The following BZW1 variants were observed in gnomAD, a reference collection of about 807,000 sequenced individuals.
The protein encoded by BZW1 is basic leucine zipper and W2 domains 1, also known as eIF5-mimic protein 2.
A neutral mutation model predicts 54.1 loss-of-function variants in BZW1; 3 were observed. That is an observed-to-expected ratio of 0.06 (90% CI 0.03 to 0.14). The LOEUF (loss-of-function observed/expected upper bound fraction) is 0.14, where lower values mean the gene tolerates loss of function less well. Ranked by LOEUF, BZW1 falls within the 10% of genes least tolerant of loss-of-function variation. BZW1 has a pLI of 1.00. For synonymous variants in BZW1, 152 were observed against 162.7 expected (o/e 0.93, Z 0.50); for missense variants, 206 against 491.7 (o/e 0.42, Z 5.50).
chr2:200,813,324 C>G, intron 2 of BZW1, 43 bp downstream of exon 2: 1 of 1,532,524 alleles, frequency 6.5e-7, no homozygotes, highest in South Asian at 1.1e-5. Flanking sequence ...ACCTCCAGAA[C>G]ATCTTGTGTA....
intron 1 of BZW1, chr2:200,812,253 C>G (rs2038094477): frequency 8.1e-7 from 1 of 1,229,986 alleles, no homozygotes; most frequent in Non-Finnish European, 1.0e-6. Flanking sequence ...GAGGCGGGCT[C>G]CCTCTGGGCC....
rs1354625056 is a variant in BZW1 at position 200,824,152 on chromosome 2, T to C, written c.*1974T>C. ...TTCTTCATAATGACACTGTAGTGTT[T>C]ACTTAGTAGAACATTATAGTAAGTG... On this transcript the variant is annotated 3_prime_UTR_variant, in exon 12 of 12. Coordinates refer to ENST00000409600, the MANE Select transcript of BZW1 (RefSeq NM_001207067.2). 1 of 152,216 alleles carries C rather than the reference T, an allele frequency of 6.6e-6. No individual in the cohort carries two copies. The highest frequency in any genetic ancestry group is 2.4e-5 in the African/African-American group (1 of 41,462). The allele number at this position is 152,216 out of a possible 1,614,324, so 9.4% of individuals were successfully genotyped here.
intron 9 of BZW1, 117 bp from the exon 10 acceptor site, chr2:200,819,864 AT>A (rs1415627988): frequency 1.1e-6 from 1 of 949,022 alleles, no homozygotes; most frequent in Non-Finnish European, 1.4e-6. Flanking sequence ...TAAATAAGTT[AT>A]AGTTTGCAGT....
intron 6 of BZW1, 134 bp downstream of exon 6, chr2:200,817,375 A>C: frequency 2.6e-6 from 3 of 1,156,060 alleles, no homozygotes; most frequent in Non-Finnish European, 3.6e-6. Flanking sequence ...AGTTCAGTCT[A>C]ATTCACTAGA....
chr2:200,821,135 G>A (rs371036571), intron 10 of BZW1, 48 bp from the exon 11 acceptor site: 67 of 1,601,122 alleles, frequency 4.2e-5, no homozygotes, highest in Non-Finnish European at 5.0e-5. Flanking sequence ...TTCTAACGCT[G>A]AGTAGAGTAT....
chr2:200,826,421 T>TGATAGATAGATAGATAGATGATAGA lies in BZW1; in HGVS notation c.*4243_*4244insGATAGATAGATAGATAGATGATAGA, dbSNP rs1348589884. The TGATAGATAGATAGATAGATGATAGA allele has an allele frequency of 2.3e-5, 2 of 87,764 alleles. No individual in the cohort carries two copies. Among genetic ancestry groups the TGATAGATAGATAGATAGATGATAGA allele is most frequent in the Non-Finnish European group, 4.5e-5 (2 of 44,856 alleles). 5.4% of individuals were successfully genotyped at this position (87,764 alleles called of 1,614,324 possible). On this transcript the variant is annotated 3_prime_UTR_variant, in exon 12 of 12. Coordinates refer to ENST00000409600, the MANE Select transcript of BZW1 (RefSeq NM_001207067.2). Reference sequence around the variant, plus strand: ...GATAGATAGATATTTTTTTTTTTTTTTTTTTTTTTTTTTTTTTTTTTGAGA... The same window carrying TGATAGATAGATAGATAGATGATAGA: ...GATAGATAGATATTTTTTTTTTTTTTGATAGATAGATAGATAGATGATAGATTTTTTTTTTTTTTTTTTTTTGAGA...
rs773542536 is a variant in BZW1 at position 200,821,274 on chromosome 2, G to C, written c.1197G>C (p.Lys399Asn). The C allele has an allele frequency of 1.5e-5, 25 of 1,613,482 alleles. No individual in the cohort carries two copies. In the South Asian group the frequency reaches 1.8e-4, roughly 11 times the overall value. ...GTGTTTTCCTTGAGCAAATGAAAAA[G>C]TTTGTAGAATGGCTCAAAAATGCTG... Reference protein sequence around the residue: ...GKSVFLEQMKKFVEWLKNAEE... With the variant: ...GKSVFLEQMKNFVEWLKNAEE... Residue 399 changes from lysine to asparagine, a missense_variant, in exon 11 of 12, where the codon AAG (lysine) becomes AAC (asparagine). Coordinates refer to ENST00000409600, the MANE Select transcript of BZW1 (RefSeq NM_001207067.2).
Position 200,825,773 on chromosome 2 carries a change from C to T in BZW1, c.*3595C>T, listed in dbSNP as rs1351358985. The T allele has an allele frequency of 6.6e-6, 1 of 152,204 alleles. No homozygotes were observed. The highest frequency in any genetic ancestry group is 6.5e-5 in the Admixed American group (1 of 15,282). The allele number at this position is 152,204 out of a possible 1,614,324, so 9.4% of individuals were successfully genotyped here. On this transcript the variant is annotated 3_prime_UTR_variant, in exon 12 of 12. Coordinates refer to ENST00000409600, the MANE Select transcript of BZW1 (RefSeq NM_001207067.2). ...TCTGCTCTCATACTGAAGTAGGCTG[C>T]TTGCAGGAACTGACAACTATTGGTT...
At chr2:200,813,363 A>G (rs1418902028) in intron 2 of BZW1, 82 bp downstream of exon 2, 4 of 1,241,484 alleles carry the variant, frequency 3.2e-6, no homozygotes, top group African/African-American at 3.0e-5. Flanking sequence ...GTACTTGCAT[A>G]TTACTAAAGC....
At chr2:200,819,952 G>A (rs774228486) in intron 9 of BZW1, 30 bp from the exon 10 acceptor site, 25 of 1,467,948 alleles carry the variant, frequency 1.7e-5, no homozygotes, top group Non-Finnish European at 2.1e-5. Flanking sequence ...TGTAATGAAT[G>A]ACTAAATCTT....
At chr2:200,819,932 G>T in intron 9 of BZW1, 50 bp from the exon 10 acceptor site, 1 of 1,432,238 alleles carries the variant, frequency 7.0e-7, no homozygotes, top group East Asian at 2.6e-5. Flanking sequence ...TTTTGTAATG[G>T]ATGGTTATTT....
rs569745449 is a variant in BZW1, at chr2:200,815,426, A to G, written c.150A>G (p.Val50=). The G allele has an allele frequency of 1.2e-6, 2 of 1,614,044 alleles. No individual in the cohort carries two copies. The highest frequency in any genetic ancestry group is 2.2e-5 in the South Asian group (2 of 91,086). ...AAACCGGTACTGATTTGGAAGCAGT[A>G]GCTAAGTTTCTTGATGCTTCTGGAG... is the stretch of plus-strand genomic sequence containing the variant. ...LTETGTDLEA[V]AKFLDASGAK... is the part of the protein sequence containing the mutation. Residue 50 remains valine, a synonymous_variant, in exon 3 of 12, where the codon GTA becomes GTG. Transcript: ENST00000409600.
In BZW1 at chr2:200,821,273, A is replaced by T. The variant is rs772621536; in HGVS notation, c.1196A>T (p.Lys399Met). The change falls in exon 11 of 12, where the codon AAG (lysine) becomes ATG (methionine). Residue 399 changes from lysine (K) to methionine (M), a missense_variant. Around this residue, in one of 5 missense-constraint regions of BZW1, gnomAD observed 60 missense variants for 151.8 expected, o/e 0.40. Transcript: ENST00000409600. ...AGTGTTTTCCTTGAGCAAATGAAAA[A>T]GTTTGTAGAATGGCTCAAAAATGCT... ...GKSVFLEQMK[K>M]FVEWLKNAEE... 2.6e-5 allele frequency: 42 copies of T among 1,613,380 alleles called. No individual in the cohort carries two copies. The highest frequency in any genetic ancestry group is 5.1e-6 in the Non-Finnish European group (6 of 1,179,730).
At position 200,817,315 on chromosome 2, in the gene BZW1, A is replaced by G. The variant is rs112992571; in HGVS notation, c.538+74A>G. 22 of 1,518,598 alleles carry G rather than the reference A, an allele frequency of 1.4e-5. No homozygotes were observed. Among genetic ancestry groups the G allele is most frequent in the Middle Eastern group, 1.8e-4 (1 of 5,504 alleles). 94.1% of individuals were successfully genotyped at this position (1,518,598 alleles called of 1,614,324 possible). ...TAAGAGCATGGTTTACTGTTCATAG[A>G]TGTGACTTCTGTGAAAGTCTTCGTT... On this transcript the variant is annotated intron_variant, in intron 6 of 11. Transcript: ENST00000409600.
intron 10 of BZW1, 144 bp from the exon 11 acceptor site, chr2:200,821,039 T>G: frequency 4.2e-6 from 4 of 953,652 alleles, no homozygotes; most frequent in Non-Finnish European, 6.2e-6. Context: ...TATGCGCACA[T>G]GTATTATTAT....
intron 11 of BZW1, among the ~76,000 whole-genome samples, 171 bp from the exon 12 acceptor site, chr2:200,821,976 G>GGA (rs1453687267): frequency 6.6e-6 from 1 of 152,130 alleles, no homozygotes; most frequent in African/African-American, 2.4e-5. Flanking sequence ...AACTGAAGTG[G>GGA]GAGGATCACT....
rs2038723819 is a variant in BZW1 at position 200,827,182 on chromosome 2, T to C, written c.*5004T>C. 6.6e-6 allele frequency: 1 copy of C among 152,204 alleles called. No individual in the cohort carries two copies. Among genetic ancestry groups the C allele is most frequent in the Admixed American group, 6.5e-5 (1 of 15,278 alleles). The allele number at this position is 152,204 out of a possible 1,614,324, so 9.4% of individuals were successfully genotyped here. On this transcript the variant is annotated 3_prime_UTR_variant, in exon 12 of 12. Coordinates refer to ENST00000409600, the MANE Select transcript of BZW1 (RefSeq NM_001207067.2). ...AGAAAACTGGATAGCTGGTAACTCA[T>C]TTAGCTCTTGGCACTCTAAAAAACC...
At chr2:200,812,543 T>G in intron 1 of BZW1, 1 of 1,396,330 alleles carries the variant, frequency 7.2e-7, no homozygotes, top group Non-Finnish European at 9.3e-7. Context: ...CTGTGGCCGA[T>G]GGGGTCCTGG....
rs2038288026 is a variant in BZW1, at chr2:200,816,336, G to T, written c.348G>T (p.Lys116Asn). ...AATGTTCTTCATAGGTTTTTAACAA[G>T]TTAATCAGGCGCTACAAATACCTGG... ...TMQAFAQVFN[K>N]LIRRYKYLEK... The change falls in exon 5 of 12, where the codon AAG becomes AAT. Residue 116 changes from lysine to asparagine, a missense_variant. By Grantham distance (94) the Lys-to-Asn change is moderately conservative (BLOSUM62 0). Around this residue, in one of 5 missense-constraint regions of BZW1, gnomAD observed 81 missense variants for 257.1 expected, o/e 0.32. Transcript: ENST00000409600. 6.3e-7 allele frequency: 1 copy of T among 1,587,110 alleles called. No individual in the cohort carries two copies. Among genetic ancestry groups the T allele is most frequent in the African/African-American group, 1.3e-5 (1 of 74,540 alleles).
Sources: allele counts gnomAD v4.1 joint callset (sites outside exome capture counted in the v4.1 genomes callset), GRCh38; gene constraint gnomAD v4.1.1; regional missense constraint gnomAD v4.1.1; transcripts MANE v1.5; gene names NCBI Gene and HGNC (gene_info 2026-07-23, HGNC 2026-07-21).